SMARCC1: variants seen among roughly 807,000 people sequenced by gnomAD.
SMARCC1 encodes SWI/SNF related BAF chromatin remodeling complex subunit C1, also known as SWI/SNF complex subunit SMARCC1.
In SMARCC1, 43 loss-of-function variants were observed where a neutral mutation model predicts 147.4. The observed-to-expected ratio is 0.29, with a 90% CI of 0.23 to 0.38. The LOEUF is 0.38. Among genes scored for constraint, SMARCC1 ranks in the 10% least tolerant of loss-of-function variants. The pLI is 1.00. For missense variants in SMARCC1, 1,119 were observed against 1,381.1 expected, an observed-to-expected ratio of 0.81 and a Z score of 3.01; for synonymous variants, 495 against 484.4, an observed-to-expected ratio of 1.02 and a Z score of -0.29.
chr3:47,628,054 T>C (rs2032837704), intron 24 of SMARCC1, among the ~76,000 whole-genome samples: 1 of 149,510 alleles, frequency 6.7e-6, no homozygotes. Flanking sequence ...CCTATATATA[T>C]ATATATTTTT....
chr3:47,663,097 A>AGAGG (rs1231052256), intron 19 of SMARCC1, among the ~76,000 whole-genome samples: 28 of 116,558 alleles, frequency 2.4e-4, no homozygotes, highest in East Asian at 3.1e-4. Flanking sequence ...ACAAAAGAAA[A>AGAGG]GAGGGAGGGA....
intron 3 of SMARCC1, among the ~76,000 whole-genome samples, chr3:47,743,421 T>C (rs1211719662): frequency 6.6e-6 from 1 of 152,206 alleles, no homozygotes; most frequent in East Asian, 1.9e-4. Context: ...TTAAGGAAAC[T>C]GTATTACATA....
chr3:47,769,996 C>T (rs1473849789), intron 2 of SMARCC1, among the ~76,000 whole-genome samples: 1 of 151,754 alleles, frequency 6.6e-6, no homozygotes, highest in Non-Finnish European at 1.5e-5. Context: ...GAGGCCGAGG[C>T]AGGCAGATCA....
At chr3:47,651,189 A>C (rs1233238937) in intron 21 of SMARCC1, among the ~76,000 whole-genome samples, 1 of 152,092 alleles carries the variant, frequency 6.6e-6, no homozygotes, top group Non-Finnish European at 1.5e-5. Flanking sequence ...CTGTGGTCCC[A>C]GCTATTGGGG....
intron 19 of SMARCC1, chr3:47,663,512 G>C (rs1488007918): frequency 2.7e-6 from 2 of 744,018 alleles, no homozygotes; most frequent in Non-Finnish European, 4.5e-6. Context: ...TCAGGGGGCT[G>C]AGGCGAGAGG....
intron 4 of SMARCC1, among the ~76,000 whole-genome samples, chr3:47,736,866 T>C (rs1000022032): frequency 2.0e-5 from 3 of 152,226 alleles, no homozygotes; most frequent in African/African-American, 7.2e-5. Context: ...CAATAATATC[T>C]AACTGAATTT....
chr3:47,753,240 A>C (rs187072770), intron 2 of SMARCC1, among the ~76,000 whole-genome samples: 12 of 150,946 alleles, frequency 7.9e-5, no homozygotes, highest in Non-Finnish European at 1.8e-4. Flanking sequence ...CAGGAGAATC[A>C]CTTGAACCCA....
rs763207461 is a variant in SMARCC1 at position 47,680,492 on chromosome 3, G to A, written c.1402C>T (p.Arg468Trp). The stretch of plus-strand genomic sequence containing the variant: ...TTGAAGAACTCAGGAAGAGCACGCC[G>A]TTCAATCACATGAATACTGAAAAGA... ...FDYNCIHVIERRALPEFFNGK... is the reference protein window; with the variant it reads ...FDYNCIHVIEWRALPEFFNGK... Residue 468 changes from arginine (R) to tryptophan (W), a missense_variant, in exon 15 of 28, where the codon CGG becomes TGG. Arg to Trp is a moderately radical substitution (Grantham distance 101). This residue lies in a region of SMARCC1 where 542 missense variants were observed against 611.8 expected (regional missense o/e 0.89). Transcript: ENST00000254480. 5.7e-6 allele frequency: 9 copies of A among 1,584,730 alleles called. No homozygotes were observed. The highest frequency in any genetic ancestry group is 4.6e-5 in the East Asian group (2 of 43,544).
intron 14 of SMARCC1, among the ~76,000 whole-genome samples, chr3:47,684,239 CAAAAA>C (rs759227252): frequency 2.0e-5 from 1 of 49,546 alleles, no homozygotes; most frequent in African/African-American, 7.2e-5. Flanking sequence ...GACTCCGTCT[CAAAAA>C]AAAAAAAAAA....
rs765929270 is a variant in SMARCC1, at chr3:47,729,030, T to G, written c.641A>C (p.Asp214Ala). Residue 214 changes from aspartate to alanine, a missense_variant, in exon 6 of 28, where the codon GAC (aspartate) becomes GCC (alanine). Asp to Ala is a moderately radical substitution (Grantham distance 126). This residue lies in a region of SMARCC1 where 542 missense variants were observed against 611.8 expected (regional missense o/e 0.89). Transcript: ENST00000254480. ...ACAACGCAAAACTAACTTACCATCG[T>G]CTTGTGAGGAAGAATATGGGTAAAT... ...HHIYPYSSSQ[D>A]DEEWLRPVMR... 1.2e-6 allele frequency: 2 copies of G among 1,608,066 alleles called. No homozygotes were observed. The highest frequency in any genetic ancestry group is 1.7e-6 in the Non-Finnish European group (2 of 1,175,304).
chr3:47,628,777 G>A (rs2032847502), intron 24 of SMARCC1, among the ~76,000 whole-genome samples: 1 of 152,122 alleles, frequency 6.6e-6, no homozygotes, highest in Non-Finnish European at 1.5e-5. Flanking sequence ...TGTTGGCCAG[G>A]CTGGTCTTGA....
Position 47,683,143 on chromosome 3 carries a change from C to T in SMARCC1, c.1386-2635G>A, listed in dbSNP as rs192713178. On this transcript the variant is annotated intron_variant, in intron 14 of 27. Transcript: ENST00000254480. ...CTGCAAGTTCCACCTCCCGGGTTCA[C>T]GCCATTCTCCTGCCTCAGCCTCCTG... 5.9e-5 allele frequency among the ~76,000 whole-genome samples: 9 copies of T among 152,244 alleles called. 1 individual carries two copies. The highest frequency in any genetic ancestry group is 3.3e-4 in the Admixed American group (5 of 15,300).
intron 2 of SMARCC1, among the ~76,000 whole-genome samples, chr3:47,755,440 T>A (rs1279827650): frequency 7.0e-6 from 1 of 141,866 alleles, no homozygotes; most frequent in African/African-American, 2.7e-5. Context: ...GAGCTTGCAG[T>A]GAGCTGAGAT....
chr3:47,685,234 A>T (rs2033705032), intron 14 of SMARCC1, among the ~76,000 whole-genome samples: 1 of 152,162 alleles, frequency 6.6e-6, no homozygotes, highest in Non-Finnish European at 1.5e-5. Flanking sequence ...GGTAGCATGT[A>T]CAGTGTGTCT....
At chr3:47,606,535 C>T (rs558308715) in intron 26 of SMARCC1, among the ~76,000 whole-genome samples, 1 of 152,286 alleles carries the variant, frequency 6.6e-6, no homozygotes, top group Admixed American at 6.5e-5. Context: ...CACCTCTCTG[C>T]CCATCTTTTA....
intron 24 of SMARCC1, among the ~76,000 whole-genome samples, chr3:47,626,430 G>T (rs1343066547): frequency 1.4e-5 from 2 of 140,722 alleles, no homozygotes; most frequent in Middle Eastern, 3.9e-3. Context: ...ACAGGTGTGA[G>T]CCACCGTGCC....
At chr3:47,684,172 G>A (rs1362315399) in intron 14 of SMARCC1, among the ~76,000 whole-genome samples, 2 of 150,574 alleles carry the variant, frequency 1.3e-5, no homozygotes, top group South Asian at 2.1e-4. Context: ...CCCGGGAGGC[G>A]GAGCTTGCAG....
chr3:47,734,001 A>T (rs538520065), intron 5 of SMARCC1, among the ~76,000 whole-genome samples: 4 of 152,180 alleles, frequency 2.6e-5, no homozygotes, highest in East Asian at 3.9e-4. Flanking sequence ...ATGTATGTAT[A>T]TCTACATATA....
intron 2 of SMARCC1, among the ~76,000 whole-genome samples, chr3:47,763,330 C>G (rs950110089): frequency 6.7e-6 from 1 of 149,600 alleles, no homozygotes; most frequent in Non-Finnish European, 1.5e-5. Flanking sequence ...TCAACACTTT[C>G]AGAGGACAAG....
Sources: gnomAD v4.1 joint callset for allele counts (sites outside exome capture counted in the v4.1 genomes callset) on GRCh38, gnomAD v4.1.1 for gene constraint, gnomAD v4.1.1 regional missense constraint, MANE v1.5 for transcripts, NCBI Gene and HGNC (gene_info 2026-07-23, HGNC 2026-07-21) for gene names.